DNAH11: variants seen among roughly 807,000 people sequenced by gnomAD.
DNAH11 encodes dynein axonemal heavy chain 11.
Under a neutral mutation model 526.0 loss-of-function variants are expected in DNAH11, and 442 were observed. The observed-to-expected ratio is 0.84, with a 90% CI of 0.78 to 0.91. The LOEUF is 0.91. Ranked by LOEUF, DNAH11 falls within the 40% of genes least tolerant of loss-of-function variation. DNAH11 has a pLI of 0.00. For missense variants in DNAH11, 6,989 were observed against 5,448.7 expected (o/e 1.28, Z -8.90); for synonymous variants, 2,461 against 1,935.9 (o/e 1.27, Z -7.12).
At chr7:21,847,013 A>G (rs1782446260) in intron 66 of DNAH11, among the ~76,000 whole-genome samples, 1 of 152,144 alleles carries the variant, frequency 6.6e-6, no homozygotes. Flanking sequence ...TTATCCTTTA[A>G]TATTCATGGA....
At chr7:21,701,227 A>T (rs988184197) in intron 36 of DNAH11, among the ~76,000 whole-genome samples, 2 of 151,464 alleles carry the variant, frequency 1.3e-5, no homozygotes, top group East Asian at 1.9e-4. Context: ...TAATTCTTCT[A>T]TTGTGACTCA....
At chr7:21,837,223 A>G (rs1312678822) in intron 65 of DNAH11, among the ~76,000 whole-genome samples, 2 of 152,190 alleles carry the variant, frequency 1.3e-5, no homozygotes, top group African/African-American at 4.8e-5. Flanking sequence ...ATGATCCAGC[A>G]GTTCTACTAT....
At chr7:21,651,578 C>G (rs1391844234) in intron 28 of DNAH11, among the ~76,000 whole-genome samples, 2 of 152,152 alleles carry the variant, frequency 1.3e-5, no homozygotes, top group African/African-American at 2.4e-5. Flanking sequence ...CAACTGATCA[C>G]TGTATGCATT....
At chr7:21,717,680 C>T (rs930590117) in intron 42 of DNAH11, 95 bp from the exon 43 acceptor site, 51 of 1,454,192 alleles carry the variant, frequency 3.5e-5, no homozygotes, top group Non-Finnish European at 4.7e-5. Context: ...TGAAGTGTTG[C>T]ACCAAGCTGT....
chr7:21,855,133 T>G (rs11771092), intron 68 of DNAH11, among the ~76,000 whole-genome samples: 85,704 of 148,838 alleles, frequency 0.58, 25,733 homozygotes, highest in Non-Finnish European at 0.68. Flanking sequence ...CCGGGTTCAC[T>G]CCATTCTCCT....
At chr7:21,866,697 A>C in intron 71 of DNAH11, 34 bp downstream of exon 71, 1 of 1,571,530 alleles carries the variant, frequency 6.4e-7, no homozygotes. Flanking sequence ...AACATGTATT[A>C]GTTAACATAG....
chr7:21,765,276 G>A (rs919151169), intron 54 of DNAH11, among the ~76,000 whole-genome samples, 152 bp from the exon 55 acceptor site: 2 of 152,160 alleles, frequency 1.3e-5, no homozygotes. Flanking sequence ...TGATTAGCAA[G>A]GAGGTTAATG....
At chr7:21,630,563 T>C (rs1293553511) in intron 25 of DNAH11, among the ~76,000 whole-genome samples, 1 of 152,236 alleles carries the variant, frequency 6.6e-6, no homozygotes. Context: ...GTCTCTCATA[T>C]TTGAAGTATA....
In DNAH11 at chr7:21,854,441, C is replaced by G; in HGVS notation, c.11188C>G (p.Gln3730Glu). Reference protein sequence around the residue: ...NDLQKINPLYQFSLKAFNVLF... With the variant: ...NDLQKINPLYEFSLKAFNVLF... ...CCTCCAAAAAATCAACCCCCTCTAC[C>G]AATTCTCTTTGAAGGTAATGCTGAA... is the stretch of plus-strand genomic sequence containing the variant. Residue 3730 changes from glutamine (Q) to glutamate (E), a missense_variant, in exon 68 of 82, where the codon CAA becomes GAA. By Grantham distance (29) the Gln-to-Glu change is conservative (BLOSUM62 2). Transcript: ENST00000409508. 3 of 1,613,730 alleles carry G rather than the reference C, an allele frequency of 1.9e-6. No individual in the cohort carries two copies. The highest frequency in any genetic ancestry group is 2.5e-6 in the Non-Finnish European group (3 of 1,179,792).
At chr7:21,785,835 A>G (rs895055204) in intron 58 of DNAH11, among the ~76,000 whole-genome samples, 9 of 152,184 alleles carry the variant, frequency 5.9e-5, no homozygotes, top group Admixed American at 6.5e-5. Flanking sequence ...GCAGCTTCTG[A>G]TAAGGGAGCA....
At chr7:21,730,582 A>C (rs2965369) in intron 45 of DNAH11, among the ~76,000 whole-genome samples, 102,754 of 151,984 alleles carry the variant, frequency 0.68, 35,029 homozygotes, top group Admixed American at 0.74. Flanking sequence ...TAAGTAAAAT[A>C]AATCAGACAC....
chr7:21,781,053 A>G (rs533527733), intron 57 of DNAH11, among the ~76,000 whole-genome samples: 136 of 152,354 alleles, frequency 8.9e-4, no homozygotes, highest in African/African-American at 3.0e-3. Context: ...GAAAGCATCT[A>G]GAAATTCATC....
chr7:21,545,930 T>C (rs1452185274), intron 2 of DNAH11, among the ~76,000 whole-genome samples: 5 of 152,160 alleles, frequency 3.3e-5, no homozygotes, highest in African/African-American at 4.8e-5. Context: ...TGTAACACAA[T>C]GCCCCAGGTC....
At position 21,601,129 on chromosome 7, in the gene DNAH11, G is replaced by A. The variant is rs186676439; in HGVS notation, c.3375G>A (p.Lys1125=). 9.9e-6 allele frequency: 16 copies of A among 1,609,600 alleles called. No homozygotes were observed. In the East Asian group the frequency reaches 3.6e-4, roughly 36 times the overall value. ...AAGTGAGCTTGTTAACCATAATTAAGAAATGGAGCTGGATGTTTCAGGAGC... is the reference window on the plus strand; with the variant it reads ...AAGTGAGCTTGTTAACCATAATTAAAAAATGGAGCTGGATGTTTCAGGAGC... ...PFKVSLLTII[K]KWSWMFQEHL... The change falls in exon 17 of 82, where the codon AAG becomes AAA. Residue 1125 remains lysine (K), a synonymous_variant. Coordinates refer to ENST00000409508, the MANE Select transcript of DNAH11 (RefSeq NM_001277115.2).
At chr7:21,734,336 T>C (rs1271880450) in intron 45 of DNAH11, among the ~76,000 whole-genome samples, 1 of 152,190 alleles carries the variant, frequency 6.6e-6, no homozygotes, top group Non-Finnish European at 1.5e-5. Flanking sequence ...GAATTATTGG[T>C]ATTAATATGT....
At chr7:21,764,060 C>T in intron 54 of DNAH11, among the ~76,000 whole-genome samples, 1 of 151,928 alleles carries the variant, frequency 6.6e-6, no homozygotes, top group East Asian at 1.9e-4. Flanking sequence ...AGTTTCCATT[C>T]AATGGGTGTA....
At chr7:21,796,105 T>C (rs1453145218) in intron 61 of DNAH11, among the ~76,000 whole-genome samples, 1 of 152,236 alleles carries the variant, frequency 6.6e-6, no homozygotes, top group Admixed American at 6.5e-5. Context: ...GGTAAGTGTT[T>C]GTCCTATAGG....
At chr7:21,559,872 AAC>A in intron 4 of DNAH11, 80 bp downstream of exon 4, 1 of 1,201,042 alleles carries the variant, frequency 8.3e-7, no homozygotes, top group Non-Finnish European at 1.2e-6. Flanking sequence ...TTAAAGATTT[AAC>A]ACACTGTCTT....
chr7:21,848,044 G>A (rs2128020604), intron 66 of DNAH11, among the ~76,000 whole-genome samples: 1 of 151,918 alleles, frequency 6.6e-6, no homozygotes, highest in Non-Finnish European at 1.5e-5. Flanking sequence ...GCGGGTGCCT[G>A]TAGTCCCAGC....
Sources: gnomAD v4.1 joint callset for allele counts (sites outside exome capture counted in the v4.1 genomes callset) on GRCh38, gnomAD v4.1.1 for gene constraint, MANE v1.5 for transcripts, NCBI Gene and HGNC (gene_info 2026-07-23, HGNC 2026-07-21) for gene names.